CSMD1: variants seen among roughly 807,000 people sequenced by gnomAD.
CSMD1 encodes CUB and sushi domain-containing protein 1.
Under a neutral mutation model 417.5 loss-of-function variants are expected in CSMD1, and 213 were observed. The observed-to-expected ratio is 0.51, with a 90% CI of 0.46 to 0.57. CSMD1 has a LOEUF of 0.57. Ranked by LOEUF, CSMD1 falls within the 20% of genes least tolerant of loss-of-function variation. CSMD1 has a pLI of 0.00. For missense variants in CSMD1, 6,923 were observed against 4,529.7 expected (o/e 1.53, Z -15.17); for synonymous variants, 2,862 against 1,736.8 (o/e 1.65, Z -16.11).
intron 3 of CSMD1, among the ~76,000 whole-genome samples, chr8:4,054,463 G>T (rs1032682419): frequency 1.4e-4 from 22 of 152,120 alleles, no homozygotes; most frequent in African/African-American, 5.1e-4. Context: ...CTTCTTCTTA[G>T]CAAGAACGAC....
chr8:3,510,333 C>A (rs920250860), intron 10 of CSMD1, among the ~76,000 whole-genome samples: 4 of 151,780 alleles, frequency 2.6e-5, no homozygotes, highest in Non-Finnish European at 4.4e-5. Context: ...GAAAGAGCAA[C>A]ACAGCCGGAG....
intron 41 of CSMD1, among the ~76,000 whole-genome samples, chr8:3,141,850 T>A (rs541812420): frequency 1.3e-5 from 2 of 149,314 alleles, no homozygotes; most frequent in African/African-American, 2.5e-5. Context: ...CAGGCTGGAG[T>A]GCAGTGGCGC....
At chr8:4,672,784 A>C (rs1805409106) in intron 1 of CSMD1, among the ~76,000 whole-genome samples, 1 of 152,030 alleles carries the variant, frequency 6.6e-6, no homozygotes. Context: ...GTGACATGAC[A>C]CACATACTTA....
At chr8:4,528,375 C>CAT (rs1393204030) in intron 2 of CSMD1, among the ~76,000 whole-genome samples, 1 of 152,140 alleles carries the variant, frequency 6.6e-6, no homozygotes, top group Non-Finnish European at 1.5e-5. Context: ...CATTCCAAGA[C>CAT]TCTCAATCAT....
At chr8:4,495,858 GATTTC>G (rs1451612549) in intron 2 of CSMD1, among the ~76,000 whole-genome samples, 5 of 152,018 alleles carry the variant, frequency 3.3e-5, no homozygotes, top group African/African-American at 1.2e-4. Context: ...AATGTAAGTG[GATTTC>G]ATTTAATTTT....
rs542838588 is a variant in CSMD1 at position 3,990,277 on chromosome 8, T to A, written c.818+7626A>T. On this transcript the variant is annotated intron_variant, in intron 5 of 69. Transcript: ENST00000635120. ...ACTTCTTTTTTCATTGCCTACAGCT[T>A]AAATAATTTATAGGAAAAGTATTTT... Among the ~76,000 whole-genome samples the A allele has an allele frequency of 7.2e-5, 11 of 152,340 alleles. No individual in the cohort carries two copies. In the South Asian group the frequency reaches 1.2e-3, roughly 17 times the overall value.
intron 3 of CSMD1, among the ~76,000 whole-genome samples, chr8:4,232,841 T>G (rs959682687): frequency 1.3e-5 from 2 of 152,154 alleles, no homozygotes; most frequent in African/African-American, 2.4e-5. Context: ...CTTTATTTAT[T>G]TATTTATATA....
At chr8:3,377,321 A>AT (rs1042991802) in intron 18 of CSMD1, among the ~76,000 whole-genome samples, 1 of 152,086 alleles carries the variant, frequency 6.6e-6, no homozygotes, top group African/African-American at 2.4e-5. Flanking sequence ...TTATTAATAG[A>AT]TTTTTACCAC....
At chr8:3,355,796 C>T (rs180879514) in intron 21 of CSMD1, among the ~76,000 whole-genome samples, 2 of 152,216 alleles carry the variant, frequency 1.3e-5, no homozygotes, top group Admixed American at 1.3e-4. Flanking sequence ...TTCATTTTGA[C>T]TTAAGCCAAT....
intron 1 of CSMD1, among the ~76,000 whole-genome samples, chr8:4,753,054 T>A (rs1168820569): frequency 6.6e-6 from 1 of 152,162 alleles, no homozygotes; most frequent in Non-Finnish European, 1.5e-5. Context: ...ACATATTACT[T>A]TATCTCATTT....
intron 3 of CSMD1, among the ~76,000 whole-genome samples, chr8:4,321,377 G>A (rs868203319): frequency 1.1e-4 from 16 of 152,046 alleles, no homozygotes; most frequent in African/African-American, 1.4e-4. Flanking sequence ...GCATAAGAAC[G>A]GAGCAATCAG....
At position 4,442,578 on chromosome 8, in the gene CSMD1, C is replaced by T. The variant is rs530020289; in HGVS notation, c.303-22513G>A. Among the ~76,000 whole-genome samples the T allele has an allele frequency of 8.3e-4, 126 of 152,278 alleles. 1 individual carries two copies. The highest frequency in any genetic ancestry group is 4.6e-3 in the Admixed American group (70 of 15,286). The stretch of plus-strand genomic sequence containing the variant: ...ACTAAAGAGATTTTATCTTGTTTCA[C>T]TTATAGCTCTTCCCCAAATTGGCTA... On this transcript the variant is annotated intron_variant, in intron 2 of 69. Coordinates refer to ENST00000635120, the MANE Select transcript of CSMD1 (RefSeq NM_033225.6).
At chr8:4,409,972 C>A (rs1285913942) in intron 3 of CSMD1, among the ~76,000 whole-genome samples, 1 of 152,042 alleles carries the variant, frequency 6.6e-6, no homozygotes, top group African/African-American at 2.4e-5. Flanking sequence ...CGCCACTACG[C>A]CCAGCAAATT....
intron 4 of CSMD1, among the ~76,000 whole-genome samples, chr8:4,030,706 G>C (rs958460852): frequency 6.6e-6 from 1 of 152,134 alleles, no homozygotes; most frequent in Admixed American, 6.5e-5. Flanking sequence ...TCTGCAGTTG[G>C]CTTGATTTTC....
At chr8:3,511,562 C>T (rs1012637485) in intron 10 of CSMD1, among the ~76,000 whole-genome samples, 1 of 151,336 alleles carries the variant, frequency 6.6e-6, no homozygotes, top group Non-Finnish European at 1.5e-5. Flanking sequence ...TGAGATCAGC[C>T]CGGCCAAAAT....
intron 1 of CSMD1, among the ~76,000 whole-genome samples, chr8:4,653,225 T>C (rs1215171153): frequency 6.6e-6 from 1 of 152,088 alleles, no homozygotes; most frequent in African/African-American, 2.4e-5. Context: ...CAAATGACTT[T>C]TCATCTATAC....
At chr8:4,381,726 G>A (rs1176375093) in intron 3 of CSMD1, among the ~76,000 whole-genome samples, 3 of 152,052 alleles carry the variant, frequency 2.0e-5, no homozygotes, top group African/African-American at 4.8e-5. Flanking sequence ...TGCCGTGGAT[G>A]GACTTTAGGC....
At chr8:3,255,949 C>G (rs1051465587) in intron 26 of CSMD1, among the ~76,000 whole-genome samples, 1 of 152,206 alleles carries the variant, frequency 6.6e-6, no homozygotes, top group Non-Finnish European at 1.5e-5. Flanking sequence ...CACCCATCTT[C>G]TGCATCGTTC....
chr8:3,124,146 G>C (rs555226924), intron 41 of CSMD1, among the ~76,000 whole-genome samples: 3 of 152,094 alleles, frequency 2.0e-5, no homozygotes, highest in Non-Finnish European at 4.4e-5. Context: ...GTGCGTGTGG[G>C]GAGGGGGGAG....
Sources: gnomAD v4.1 joint callset for allele counts (sites outside exome capture counted in the v4.1 genomes callset) on GRCh38, gnomAD v4.1.1 for gene constraint, MANE v1.5 for transcripts, NCBI Gene and HGNC (gene_info 2026-07-23, HGNC 2026-07-21) for gene names.